NTM: variants seen among roughly 807,000 people sequenced by gnomAD.
The protein encoded by NTM is neurotrimin.
Under a neutral mutation model 42.1 loss-of-function variants are expected in NTM, and 13 were observed. That is an observed-to-expected ratio of 0.31 (90% CI 0.20 to 0.49). The LOEUF is 0.49. Ranked by LOEUF, NTM falls within the 20% of genes least tolerant of loss-of-function variation. The probability of loss-of-function intolerance (pLI) is 0.99; values close to 1 mark genes in which losing one functional copy is unlikely to be tolerated. For synonymous variants in NTM, 187 were observed against 179.2 expected (o/e 1.04, Z -0.35); for missense variants, 373 against 452.8 (o/e 0.82, Z 1.60).
intron 7 of NTM, chr11:132,314,933 CAAAGTAGTATATGTATAGTACATGTATAA>C: frequency 1.5e-6 from 2 of 1,296,598 alleles, no homozygotes; most frequent in Admixed American, 3.7e-5. Flanking sequence ...TACATGTATA[CAAAGTAGTATATGTATAGTACATGTATAA>C]AAGTAGATCT....
At chr11:131,544,501 C>A (rs2053669368) in intron 1 of NTM, among the ~76,000 whole-genome samples, 1 of 152,140 alleles carries the variant, frequency 6.6e-6, no homozygotes, top group South Asian at 2.1e-4. Flanking sequence ...CTTTACTCAT[C>A]CTCTATCCCT....
intron 2 of NTM, among the ~76,000 whole-genome samples, chr11:132,038,737 A>G (rs1433406775): frequency 6.6e-6 from 1 of 152,132 alleles, no homozygotes; most frequent in Non-Finnish European, 1.5e-5. Context: ...ATTCCAGGTG[A>G]GGAGGTCAGC....
At chr11:131,779,377 A>G (rs1241692091) in intron 1 of NTM, among the ~76,000 whole-genome samples, 1 of 152,186 alleles carries the variant, frequency 6.6e-6, no homozygotes, top group African/African-American at 2.4e-5. Context: ...GCTGTAGAAA[A>G]CTAATATAAC....
intron 3 of NTM, among the ~76,000 whole-genome samples, chr11:132,157,528 C>A (rs1365290793): frequency 6.6e-6 from 1 of 152,112 alleles, no homozygotes; most frequent in Non-Finnish European, 1.5e-5. Context: ...GACACCTCTG[C>A]CAAATATGGT....
At chr11:131,531,577 A>G (rs961389617) in intron 1 of NTM, among the ~76,000 whole-genome samples, 1 of 152,230 alleles carries the variant, frequency 6.6e-6, no homozygotes, top group African/African-American at 2.4e-5. Flanking sequence ...CAATTGTAAC[A>G]GCTTTCTCTG....
chr11:131,658,005 A>G (rs1032680199), intron 1 of NTM, among the ~76,000 whole-genome samples: 3 of 152,174 alleles, frequency 2.0e-5, no homozygotes, highest in Non-Finnish European at 4.4e-5. Flanking sequence ...GGTGGCACTT[A>G]AGCTGGGTTT....
chr11:131,825,390 G>A (rs2042006364), intron 1 of NTM, among the ~76,000 whole-genome samples: 2 of 151,924 alleles, frequency 1.3e-5, no homozygotes, highest in South Asian at 4.2e-4. Context: ...TTGTATGGTG[G>A]TGGGGGGTGG....
At chr11:131,374,059 T>C (rs1456860082) in intron 1 of NTM, among the ~76,000 whole-genome samples, 1 of 152,166 alleles carries the variant, frequency 6.6e-6, no homozygotes, top group Non-Finnish European at 1.5e-5. Context: ...GACGAGACCA[T>C]AGCAATATCT....
At chr11:131,486,874 C>T (rs930778053) in intron 1 of NTM, among the ~76,000 whole-genome samples, 9 of 152,184 alleles carry the variant, frequency 5.9e-5, no homozygotes, top group Non-Finnish European at 1.2e-4. Context: ...AGACGAATAG[C>T]GGGATGCCAG....
rs535826032 is a variant in NTM, at chr11:131,971,046, A to G, written c.167+59398A>G. ...ACAAGCCTATGACAAACAACCCTTTACAAACCAATGAGAAATTTCCCTAGT... is the reference window on the plus strand; with the variant it reads ...ACAAGCCTATGACAAACAACCCTTTGCAAACCAATGAGAAATTTCCCTAGT... On this transcript the variant is annotated intron_variant, in intron 2 of 8. Coordinates refer to ENST00000683400, the MANE Select transcript of NTM (RefSeq NM_001352005.2). Among the ~76,000 whole-genome samples, 4 of 152,332 alleles carry G rather than the reference A, an allele frequency of 2.6e-5. No individual in the cohort carries two copies. The South Asian group carries it at 8.3e-4, about 32-fold the overall frequency.
chr11:132,105,316 G>T (rs903459067), intron 2 of NTM, among the ~76,000 whole-genome samples: 2 of 151,920 alleles, frequency 1.3e-5, no homozygotes, highest in Non-Finnish European at 2.9e-5. Context: ...CAAGGGTGTG[G>T]AACACTGGTA....
intron 3 of NTM, among the ~76,000 whole-genome samples, chr11:132,185,097 A>G (rs917751986): frequency 3.3e-5 from 5 of 152,184 alleles, no homozygotes; most frequent in African/African-American, 1.2e-4. Flanking sequence ...GCTCAGTGCT[A>G]TAGAAATAGA....
intron 1 of NTM, chr11:131,660,376 C>G (rs543664885): frequency 4.7e-6 from 2 of 421,918 alleles, no homozygotes; most frequent in Non-Finnish European, 9.6e-6. Context: ...ACCAGGAGGG[C>G]GGAGGGGGTG....
intron 1 of NTM, among the ~76,000 whole-genome samples, chr11:131,773,194 T>C (rs756941750): frequency 3.9e-5 from 6 of 152,292 alleles, no homozygotes; most frequent in Admixed American, 6.5e-5. Flanking sequence ...TGGTGCCTTG[T>C]TGCTGTGTCC....
chr11:131,857,184 A>G (rs888451877), intron 1 of NTM, among the ~76,000 whole-genome samples: 2 of 152,182 alleles, frequency 1.3e-5, no homozygotes, highest in African/African-American at 4.8e-5. Flanking sequence ...ACTGACCCAG[A>G]TAGTGAAGTT....
chr11:131,397,301 C>A (rs752346212), intron 1 of NTM, among the ~76,000 whole-genome samples: 1 of 151,998 alleles, frequency 6.6e-6, no homozygotes, highest in Non-Finnish European at 1.5e-5. Flanking sequence ...CTGAGAGGAT[C>A]CCTCAGGGCC....
chr11:131,496,171 A>G (rs1955319000), intron 1 of NTM, among the ~76,000 whole-genome samples: 1 of 152,212 alleles, frequency 6.6e-6, no homozygotes, highest in African/African-American at 2.4e-5. Context: ...CAGTGTGGCT[A>G]GAGAGTAAGA....
chr11:131,909,375 T>G lies in NTM; in HGVS notation c.83-2189T>G, dbSNP rs117995267. ...GAGTATTGTACCGAAGCCCTTATGG[T>G]TATATGACTCAGTTATAATGGTTCA... On this transcript the variant is annotated intron_variant, in intron 1 of 8. Coordinates refer to ENST00000683400, the MANE Select transcript of NTM (RefSeq NM_001352005.2). 6.9e-3 allele frequency among the ~76,000 whole-genome samples: 1,048 copies of G among 152,330 alleles called. 4 individuals are homozygous for G. Among genetic ancestry groups the G allele is most frequent in the Non-Finnish European group, 0.011 (733 of 68,032 alleles).
intron 1 of NTM, among the ~76,000 whole-genome samples, chr11:131,799,911 A>G (rs2091959445): frequency 6.6e-6 from 1 of 152,134 alleles, no homozygotes; most frequent in Admixed American, 6.5e-5. Flanking sequence ...CTCTCCCCAT[A>G]TATAAGAACT....
Sources: gnomAD v4.1 joint callset for allele counts (sites outside exome capture counted in the v4.1 genomes callset) on GRCh38, gnomAD v4.1.1 for gene constraint, MANE v1.5 for transcripts, NCBI Gene and HGNC (gene_info 2026-07-23, HGNC 2026-07-21) for gene names.